The following DIP2C variants were observed in gnomAD, a reference collection of about 807,000 sequenced individuals.
DIP2C encodes disco-interacting protein 2 homolog C.
A neutral mutation model predicts 192.4 loss-of-function variants in DIP2C; 33 were observed. The ratio of observed to expected loss-of-function variants is 0.17; its 90% CI spans 0.13 to 0.23. The LOEUF is 0.23. DIP2C is among the 10% of genes least tolerant of loss of function. The pLI is 1.00. For missense variants in DIP2C, 1,537 were observed against 2,110.1 expected, an observed-to-expected ratio of 0.73 and a Z score of 5.32; for synonymous variants, 979 against 864.1, an observed-to-expected ratio of 1.13 and a Z score of -2.33.
intron 32 of DIP2C, among the ~76,000 whole-genome samples, chr10:291,730 T>C (rs77098264): frequency 0.025 from 3,794 of 152,306 alleles, 68 homozygotes; most frequent in Non-Finnish European, 0.039. Flanking sequence ...ATCTCCAGGT[T>C]TGGGCAAATT....
chr10:648,186 C>T, intron 1 of DIP2C, among the ~76,000 whole-genome samples: 2 of 150,956 alleles, frequency 1.3e-5, no homozygotes, highest in South Asian at 4.2e-4. Flanking sequence ...CAGAGGGAAA[C>T]TGAGTCCACG....
intron 1 of DIP2C, among the ~76,000 whole-genome samples, chr10:542,258 C>A (rs1848035892): frequency 6.6e-6 from 1 of 152,218 alleles, no homozygotes; most frequent in South Asian, 2.1e-4. Context: ...ACGGTAACAT[C>A]AACCAGGAGG....
chr10:424,806 A>G (rs12414361), intron 4 of DIP2C, among the ~76,000 whole-genome samples: 67,262 of 152,098 alleles, frequency 0.44, 15,474 homozygotes, highest in African/African-American at 0.55. Flanking sequence ...ACTCTTTACA[A>G]TCTTTCATTC....
intron 4 of DIP2C, among the ~76,000 whole-genome samples, chr10:426,621 A>G (rs182042183): frequency 3.0e-4 from 45 of 152,368 alleles, no homozygotes; most frequent in Admixed American, 1.8e-3. Context: ...AAGTCACAGT[A>G]ATTAAGGCAG....
At chr10:330,290 CGA>C (rs920806966) in intron 29 of DIP2C, among the ~76,000 whole-genome samples, 7 of 152,098 alleles carry the variant, frequency 4.6e-5, no homozygotes, top group African/African-American at 1.7e-4. Flanking sequence ...AGAAAAATAA[CGA>C]TTCTTTAATT....
In DIP2C at chr10:277,092, C is replaced by A; in HGVS notation, c.*233G>T. 1 of 474,216 alleles carries A rather than the reference C, an allele frequency of 2.1e-6. No homozygotes were observed. The highest frequency in any genetic ancestry group is 3.6e-6 in the Non-Finnish European group (1 of 280,002). The allele number at this position is 474,216 out of a possible 1,614,324, so 29.4% of individuals were successfully genotyped here. On this transcript the variant is annotated 3_prime_UTR_variant, in exon 37 of 37. Coordinates refer to ENST00000280886, the MANE Select transcript of DIP2C (RefSeq NM_014974.3). ...TTTTGAAATGGGCTTTTCCAACAAA[C>A]TGAAGGCAGTAATCCAAAGTCCTTC...
chr10:391,268 C>T (rs1031718215), intron 10 of DIP2C, among the ~76,000 whole-genome samples: 2 of 151,854 alleles, frequency 1.3e-5, no homozygotes, highest in African/African-American at 2.4e-5. Flanking sequence ...CATGCTAACA[C>T]CAAGTGCCTG....
intron 3 of DIP2C, among the ~76,000 whole-genome samples, chr10:456,681 C>G (rs549915241): frequency 6.6e-6 from 1 of 152,188 alleles, no homozygotes; most frequent in Non-Finnish European, 1.5e-5. Context: ...CACCTGTCCA[C>G]GGCCACCGTT....
intron 1 of DIP2C, among the ~76,000 whole-genome samples, chr10:564,333 A>ACCC (rs1849356506): frequency 6.6e-6 from 1 of 152,018 alleles, no homozygotes. Flanking sequence ...CCTCAACCAC[A>ACCC]GATCACCCTC....
intron 1 of DIP2C, among the ~76,000 whole-genome samples, chr10:647,975 C>A (rs1322857051): frequency 6.6e-6 from 1 of 151,718 alleles, no homozygotes; most frequent in Non-Finnish European, 1.5e-5. Flanking sequence ...GAGTCCACAT[C>A]CACATTGGAC....
intron 1 of DIP2C, among the ~76,000 whole-genome samples, chr10:592,468 A>ATTTGTACTTCAAACAGGTAACAGTTTGG (rs1851458662): frequency 6.6e-6 from 1 of 151,506 alleles, no homozygotes; most frequent in African/African-American, 2.5e-5. Context: ...ACCATGGAAT[A>ATTTGTACTTCAAACAGGTAACAGTTTGG]TTCCTCAGCA....
intron 1 of DIP2C, among the ~76,000 whole-genome samples, chr10:562,368 G>C (rs2131472652): frequency 6.6e-6 from 1 of 152,340 alleles, no homozygotes; most frequent in South Asian, 2.1e-4. Flanking sequence ...ACCTTCTAGT[G>C]AATGAATCAC....
Position 614,854 on chromosome 10 carries a change from T to C in DIP2C, c.85+74640A>G, listed in dbSNP as rs985653132. ...TCCACACTGATCCAACACGTCATCA[T>C]AAGGAAAAGCACTCCAGCAGGAGAG... On this transcript the variant is annotated intron_variant, in intron 1 of 36. Transcript: ENST00000280886. Among the ~76,000 whole-genome samples, 5 of 152,240 alleles carry C rather than the reference T, an allele frequency of 3.3e-5. No individual in the cohort carries two copies. The East Asian group carries it at 9.7e-4, about 29-fold the overall frequency.
At chr10:520,632 G>C (rs115522030) in intron 1 of DIP2C, among the ~76,000 whole-genome samples, 3,485 of 152,242 alleles carry the variant, frequency 0.023, 137 homozygotes, top group African/African-American at 0.079. Flanking sequence ...TGCTCTGCCT[G>C]CAGCTCCTTC....
intron 5 of DIP2C, among the ~76,000 whole-genome samples, chr10:420,512 C>CT (rs1305460748): frequency 6.6e-6 from 1 of 152,228 alleles, no homozygotes; most frequent in Non-Finnish European, 1.5e-5. Context: ...CACACACCCC[C>CT]TCAAGTCCTC....
At chr10:664,583 A>T (rs1362527644) in intron 1 of DIP2C, 1 of 152,376 alleles carries the variant, frequency 6.6e-6, no homozygotes, top group Admixed American at 6.5e-5. Context: ...GATCATTGTT[A>T]TATGTCCGGG....
At chr10:452,390 A>G (rs2133336411) in intron 3 of DIP2C, among the ~76,000 whole-genome samples, 1 of 152,180 alleles carries the variant, frequency 6.6e-6, no homozygotes, top group Admixed American at 6.5e-5. Context: ...AACACGGCAA[A>G]CACGTGGAAA....
rs10903832 is a variant in DIP2C, at chr10:275,014, A to G, written c.*2311T>C. ...AGTCCACCAACTCTTTTGAGCCTAA[A>G]CTCTAACTAATCAGAGTTGACAGGA... On this transcript the variant is annotated 3_prime_UTR_variant, in exon 37 of 37. Coordinates refer to ENST00000280886, the MANE Select transcript of DIP2C (RefSeq NM_014974.3). 0.081 allele frequency: 12,384 copies of G among 152,184 alleles called. 710 individuals are homozygous for G. The highest frequency in any genetic ancestry group is 0.12 in the Non-Finnish European group (8,438 of 67,992). 9.4% of individuals were successfully genotyped at this position (152,184 alleles called of 1,614,324 possible).
At chr10:445,329 T>C (rs1209506262) in intron 3 of DIP2C, among the ~76,000 whole-genome samples, 1 of 151,554 alleles carries the variant, frequency 6.6e-6, no homozygotes, top group Non-Finnish European at 1.5e-5. Context: ...TTGTGAAGAG[T>C]CTGTCTTGCA....
Sources: gnomAD v4.1 joint callset for allele counts (sites outside exome capture counted in the v4.1 genomes callset) on GRCh38, gnomAD v4.1.1 for gene constraint, MANE v1.5 for transcripts, NCBI Gene and HGNC (gene_info 2026-07-23, HGNC 2026-07-21) for gene names.